The following PCDH8 variants were observed in gnomAD, a reference collection of about 807,000 sequenced individuals.
The protein encoded by PCDH8 is protocadherin-8.
In PCDH8, 36 loss-of-function variants were observed where a neutral mutation model predicts 58.2. The ratio of observed to expected loss-of-function variants is 0.62; its 90% CI spans 0.47 to 0.82. PCDH8 has a LOEUF of 0.82. Among genes scored for constraint, PCDH8 ranks in the 40% least tolerant of loss-of-function variants. The probability of loss-of-function intolerance (pLI) is 0.00; values close to 1 mark genes in which losing one functional copy is unlikely to be tolerated. For synonymous variants in PCDH8, 775 were observed against 728.9 expected, an observed-to-expected ratio of 1.06 and a Z score of -1.02; for missense variants, 1,493 against 1,567.8, an observed-to-expected ratio of 0.95 and a Z score of 0.81.
At position 52,846,605 on chromosome 13, in the gene PCDH8, T is replaced by A. The variant is rs1193234022; in HGVS notation, c.1832A>T (p.His611Leu). Residue 611 changes from histidine (H) to leucine (L), a missense_variant, in exon 1 of 3, where the codon CAC becomes CTC. Coordinates refer to ENST00000377942, the MANE Select transcript of PCDH8 (RefSeq NM_002590.4). ...DQNDHAPVLV[H>L]PAPANGSLEV... ...TAGGGAGCCATTGGCTGGCGCCGGG[T>A]GCACCAGGACTGGCGCATGGTCGTT... 6.2e-7 allele frequency: 1 copy of A among 1,601,580 alleles called. No individual in the cohort carries two copies. The highest frequency in any genetic ancestry group is 8.5e-7 in the Non-Finnish European group (1 of 1,177,614).
In PCDH8 at chr13:52,846,510, C is replaced by G. The variant is rs2138354894; in HGVS notation, c.1927G>C (p.Glu643Gln). ...VARVQARDAD[E>Q]GANGELAFEL... is the part of the protein sequence containing the mutation. ...AACGCCAGCTCCCCGTTGGCTCCCTCGTCTGCATCCCGGGCCTGCACACGG... is the reference window on the plus strand; with the variant it reads ...AACGCCAGCTCCCCGTTGGCTCCCTGGTCTGCATCCCGGGCCTGCACACGG... Residue 643 changes from glutamate to glutamine, a missense_variant, in exon 1 of 3, where the codon GAG (glutamate) becomes CAG (glutamine). Around this residue, in one of 3 missense-constraint regions of PCDH8, gnomAD observed 1,307 missense variants for 1,362.7 expected, o/e 0.96. Coordinates refer to ENST00000377942, the MANE Select transcript of PCDH8 (RefSeq NM_002590.4). The G allele has an allele frequency of 6.3e-7, 1 of 1,597,300 alleles. No homozygotes were observed. Among genetic ancestry groups the G allele is most frequent in the African/African-American group, 1.3e-5 (1 of 74,980 alleles).
At position 52,844,752 on chromosome 13, in the gene PCDH8, C is replaced by G; in HGVS notation, c.3021G>C (p.Gln1007His). 6.2e-7 allele frequency: 1 copy of G among 1,613,222 alleles called. No individual in the cohort carries two copies. Among genetic ancestry groups the G allele is most frequent in the Non-Finnish European group, 8.5e-7 (1 of 1,179,528 alleles). Residue 1007 changes from glutamine (Q) to histidine (H), a missense_variant, in exon 3 of 3, where the codon CAG (glutamine) becomes CAC (histidine). Gln to His is a conservative substitution (Grantham distance 24). Around this residue, in one of 3 missense-constraint regions of PCDH8, gnomAD observed 182 missense variants for 178.9 expected, o/e 1.02. Coordinates refer to ENST00000377942, the MANE Select transcript of PCDH8 (RefSeq NM_002590.4). The stretch of plus-strand genomic sequence containing the variant: ...TCTGCAGCCCCACTGTCTTGGGCAG[C>G]TGGGCCTGGTAGTAATTGTCCCTGC... Reference protein sequence around the residue: ...PLRRDNYYQAQLPKTVGLQSV... With the variant: ...PLRRDNYYQAHLPKTVGLQSV...
Position 52,846,600 on chromosome 13 carries a change from C to T in PCDH8, c.1837G>A (p.Ala613Thr). 6.2e-7 allele frequency: 1 copy of T among 1,605,862 alleles called. No homozygotes were observed. ...ACTTCTAGGGAGCCATTGGCTGGCG[C>T]CGGGTGCACCAGGACTGGCGCATGG... is the stretch of plus-strand genomic sequence containing the variant. ...NDHAPVLVHP[A>T]PANGSLEVAV... The change falls in exon 1 of 3, where the codon GCG becomes ACG. Residue 613 changes from alanine (A) to threonine (T), a missense_variant. By Grantham distance (58) the Ala-to-Thr change is moderately conservative (BLOSUM62 0). This residue lies in a region of PCDH8 where 1,307 missense variants were observed against 1,362.7 expected (regional missense o/e 0.96). Transcript: ENST00000377942.
At position 52,846,476 on chromosome 13, in the gene PCDH8, T is replaced by C; in HGVS notation, c.1961A>G (p.Gln654Arg). The C allele has an allele frequency of 1.3e-6, 2 of 1,598,460 alleles. No homozygotes were observed. Among genetic ancestry groups the C allele is most frequent in the Non-Finnish European group, 1.7e-6 (2 of 1,179,294 alleles). The change falls in exon 1 of 3, where the codon CAG becomes CGG. Residue 654 changes from glutamine to arginine, a missense_variant. Around this residue, in one of 3 missense-constraint regions of PCDH8, gnomAD observed 1,307 missense variants for 1,362.7 expected, o/e 0.96. Transcript: ENST00000377942. ...GAAGGCTTCGCGCGGCTCCTGCTGC[T>C]GCAGCTCGAACGCCAGCTCCCCGTT... Reference protein sequence around the residue: ...GANGELAFELQQQEPREAFAI... With the variant: ...GANGELAFELRQQEPREAFAI...
rs755167120 is a variant in PCDH8, at chr13:52,846,725, G to C, written c.1712C>G (p.Thr571Arg). The change falls in exon 1 of 3, where the codon ACG (threonine) becomes AGG (arginine). Residue 571 changes from threonine (T) to arginine (R), a missense_variant. Physicochemically the swap from Thr to Arg is moderately conservative, Grantham distance 71. Around this residue, in one of 3 missense-constraint regions of PCDH8, gnomAD observed 1,307 missense variants for 1,362.7 expected, o/e 0.96. Transcript: ENST00000377942. The stretch of plus-strand genomic sequence containing the variant: ...GATGCGAACGTCGAGTTGGCGCAGC[G>C]TCTCATAGTCGAAGCTGCGCAGCGC... ...IYALRSFDYE[T>R]LRQLDVRIQA... 4.4e-6 allele frequency: 7 copies of C among 1,593,794 alleles called. No homozygotes were observed. Among genetic ancestry groups the C allele is most frequent in the Non-Finnish European group, 6.0e-6 (7 of 1,175,600 alleles).
Position 52,847,836 on chromosome 13 carries a change from G to T in PCDH8, c.601C>A (p.Gln201Lys), listed in dbSNP as rs980957184. ...GAQCADLVLLQELDRESQAAY... is the reference protein window; with the variant it reads ...GAQCADLVLLKELDRESQAAY... ...GCCTGGCTCTCGCGGTCCAGCTCCT[G>T]CAGCAGCACCAGGTCTGCGCACTGA... Residue 201 changes from glutamine (Q) to lysine (K), a missense_variant, in exon 1 of 3, where the codon CAG becomes AAG. Transcript: ENST00000377942. The T allele has an allele frequency of 2.7e-6, 4 of 1,498,650 alleles. No individual in the cohort carries two copies. The African/African-American group carries it at 5.6e-5, about 21-fold the overall frequency. 92.8% of individuals were successfully genotyped at this position (1,498,650 alleles called of 1,614,324 possible). A position where few individuals can be genotyped will look rare whatever the true frequency, so the allele number is the denominator to read the frequency against.
At position 52,846,803 on chromosome 13, in the gene PCDH8, C is replaced by T; in HGVS notation, c.1634G>A (p.Gly545Glu). Reference sequence around the variant, plus strand: ...CGAGACATAAGTGGACACGGCGCCCCCGGCGCGGCCCACCTCGGCCTCCAG... The same window carrying T: ...CGAGACATAAGTGGACACGGCGCCCTCGGCGCGGCCCACCTCGGCCTCCAG... ...RLLEAEVGRAGGAVSTYVSVD... is the reference protein window; with the variant it reads ...RLLEAEVGRAEGAVSTYVSVD... The change falls in exon 1 of 3, where the codon GGG (glycine) becomes GAG (glutamate). Residue 545 changes from glycine (G) to glutamate (E), a missense_variant. This residue lies in a region of PCDH8 where 1,307 missense variants were observed against 1,362.7 expected (regional missense o/e 0.96). Coordinates refer to ENST00000377942, the MANE Select transcript of PCDH8 (RefSeq NM_002590.4). The T allele has an allele frequency of 6.4e-7, 1 of 1,553,122 alleles. No individual in the cohort carries two copies. Among genetic ancestry groups the T allele is most frequent in the South Asian group, 1.2e-5 (1 of 85,754 alleles).
In PCDH8 at chr13:52,847,730, A is replaced by C; in HGVS notation, c.707T>G (p.Leu236Arg). Residue 236 changes from leucine to arginine, a missense_variant, in exon 1 of 3, where the codon CTG (leucine) becomes CGG (arginine). Transcript: ENST00000377942. Reference protein sequence around the residue: ...SATAALSVRVLDANDHSPAFP... With the variant: ...SATAALSVRVRDANDHSPAFP... Reference sequence around the variant, plus strand: ...GGCCGGGCTGTGGTCATTCGCATCCAGGACGCGCACGCTGAGGGCAGCCGT... The same window carrying C: ...GGCCGGGCTGTGGTCATTCGCATCCCGGACGCGCACGCTGAGGGCAGCCGT... 6.6e-7 allele frequency: 1 copy of C among 1,511,822 alleles called. No homozygotes were observed. Among genetic ancestry groups the C allele is most frequent in the Non-Finnish European group, 8.8e-7 (1 of 1,137,544 alleles). 93.7% of individuals were successfully genotyped at this position (1,511,822 alleles called of 1,614,324 possible).
At position 52,847,422 on chromosome 13, in the gene PCDH8, TG is replaced by T; in HGVS notation, c.1014del (p.Cys338Ter). 1 of 1,585,172 alleles carries T rather than the reference TG, an allele frequency of 6.3e-7. No homozygotes were observed. Among genetic ancestry groups the T allele is most frequent in the Middle Eastern group, 1.7e-4 (1 of 6,002 alleles). On this transcript the variant is annotated frameshift_variant, in exon 1 of 3. Coordinates refer to ENST00000377942, the MANE Select transcript of PCDH8 (RefSeq NM_002590.4). LOFTEE classifies it high-confidence loss of function. The part of the protein sequence containing the change: ...DRGPGPRAAT[C>X]KVIVRIRDVN... Reference sequence around the variant, plus strand: ...ACGTCTCGGATGCGCACGATGACCTTGCAGGTGGCAGCGCGGGGCCCGGGTC... The same window carrying T: ...ACGTCTCGGATGCGCACGATGACCTTCAGGTGGCAGCGCGGGGCCCGGGTC...
chr13:52,846,269 C>A lies in PCDH8; in HGVS notation c.2168G>T (p.Ser723Ile). 6.3e-7 allele frequency: 1 copy of A among 1,578,970 alleles called. No homozygotes were observed. Among genetic ancestry groups the A allele is most frequent in the Non-Finnish European group, 8.6e-7 (1 of 1,168,370 alleles). Residue 723 changes from serine (S) to isoleucine (I), a missense_variant, in exon 1 of 3, where the codon AGT (serine) becomes ATT (isoleucine). By Grantham distance (142) the Ser-to-Ile change is moderately radical. Transcript: ENST00000377942. Reference protein sequence around the residue: ...GGGRGPAAPASAGSPERSRPP... With the variant: ...GGGRGPAAPAIAGSPERSRPP... ...GCGGGAACGCTCCGGGCTTCCTGCA[C>A]TGGCAGGCGCAGCCGGCCCACGCCC...
At chr13:52,845,754 C>A (rs1217929815) in intron 1 of PCDH8, 52 bp downstream of exon 1, 2 of 1,505,344 alleles carry the variant, frequency 1.3e-6, no homozygotes, top group Non-Finnish European at 1.8e-6. Context: ...TCCCTTCCCC[C>A]AGCCTGTCCG....
chr13:52,847,890 C>A lies in PCDH8; in HGVS notation c.547G>T (p.Val183Leu). 1 of 1,558,402 alleles carries A rather than the reference C, an allele frequency of 6.4e-7. No homozygotes were observed. Among genetic ancestry groups the A allele is most frequent in the South Asian group, 1.2e-5 (1 of 84,850 alleles). The change falls in exon 1 of 3, where the codon GTG becomes TTG. Residue 183 changes from valine (V) to leucine (L), a missense_variant. Val to Leu is a conservative substitution (Grantham distance 32, BLOSUM62 1). Around this residue, in one of 3 missense-constraint regions of PCDH8, gnomAD observed 1,307 missense variants for 1,362.7 expected, o/e 0.96. Transcript: ENST00000377942. ...CCGTCCGCTCGCGTCTGCAGCTCCA[C>A]GCGAAAGGGGCTGTGCGGCTCGGCC... The part of the protein sequence containing the change: ...RLAEPHSPFR[V>L]ELQTRADGAQ...
At position 52,847,765 on chromosome 13, in the gene PCDH8, C is replaced by T; in HGVS notation, c.672G>A (p.Pro224=). 1.4e-6 allele frequency: 2 copies of T among 1,459,838 alleles called. No homozygotes were observed. The highest frequency in any genetic ancestry group is 1.5e-5 in the African/African-American group (1 of 68,196). The allele number at this position is 1,459,838 out of a possible 1,614,324, so 90.4% of individuals were successfully genotyped here. A position where few individuals can be genotyped will look rare whatever the true frequency, so the allele number is the denominator to read the frequency against. ...CGCTGAGGGCAGCCGTGGCGGAGCGCGGCGGGCGGCCGCCGTCCTGGGCCA... is the reference window on the plus strand; with the variant it reads ...CGCTGAGGGCAGCCGTGGCGGAGCGTGGCGGGCGGCCGCCGTCCTGGGCCA... ...ELVAQDGGRP[P]RSATAALSVR... The change falls in exon 1 of 3, where the codon CCG becomes CCA. Residue 224 remains proline, a synonymous_variant. Transcript: ENST00000377942.
rs142341255 is a variant in PCDH8 at position 52,846,715 on chromosome 13, T to C, written c.1722A>G (p.Gln574=). 6.3e-7 allele frequency: 1 copy of C among 1,596,082 alleles called. No individual in the cohort carries two copies. Among genetic ancestry groups the C allele is most frequent in the Non-Finnish European group, 8.5e-7 (1 of 1,176,258 alleles). The change falls in exon 1 of 3, where the codon CAA becomes CAG. Residue 574 remains glutamine, a synonymous_variant. Transcript: ENST00000377942. ...CGCTAGCTTGGATGCGAACGTCGAG[T>C]TGGCGCAGCGTCTCATAGTCGAAGC... is the stretch of plus-strand genomic sequence containing the variant. ...LRSFDYETLR[Q]LDVRIQASDG... is the part of the protein sequence containing the mutation.
Position 52,846,483 on chromosome 13 carries a change from C to T in PCDH8, c.1954G>A (p.Glu652Lys), listed in dbSNP as rs767003417. The change falls in exon 1 of 3, where the codon GAG (glutamate) becomes AAG (lysine). Residue 652 changes from glutamate (E) to lysine (K), a missense_variant. Glu to Lys is a moderately conservative substitution (Grantham distance 56, BLOSUM62 1). This residue lies in a region of PCDH8 where 1,307 missense variants were observed against 1,362.7 expected (regional missense o/e 0.96). Transcript: ENST00000377942. ...DEGANGELAF[E>K]LQQQEPREAF... ...TCGCGCGGCTCCTGCTGCTGCAGCT[C>T]GAACGCCAGCTCCCCGTTGGCTCCC... 24 of 1,598,002 alleles carry T rather than the reference C, an allele frequency of 1.5e-5. No homozygotes were observed. Among genetic ancestry groups the T allele is most frequent in the Middle Eastern group, 3.3e-4 (2 of 6,034 alleles).
chr13:52,845,908 C>A lies in PCDH8; in HGVS notation c.2529G>T (p.Ala843=). ...AGCCCGGCACTTCGGCCGCGGCGAC[C>A]GCAGGCGGAGGCGCGTCCGCCGCGG... ...GSPAADAPPP[A]VAAAEVPGSE... is the part of the protein sequence containing the mutation. Residue 843 remains alanine (A), a synonymous_variant, in exon 1 of 3, where the codon GCG becomes GCT. Transcript: ENST00000377942. 6.8e-7 allele frequency: 1 copy of A among 1,477,938 alleles called. No individual in the cohort carries two copies. Among genetic ancestry groups the A allele is most frequent in the South Asian group, 1.3e-5 (1 of 76,116 alleles). 91.6% of individuals were successfully genotyped at this position (1,477,938 alleles called of 1,614,324 possible).
chr13:52,846,938 G>C lies in PCDH8; in HGVS notation c.1499C>G (p.Pro500Arg), dbSNP rs56292728. Residue 500 changes from proline to arginine, a missense_variant, in exon 1 of 3, where the codon CCG becomes CGG. Pro to Arg is a moderately radical substitution (Grantham distance 103). Transcript: ENST00000377942. ...ENDNAPLFTR[P>R]VYEVSVRENN... ...CTCGCGCACCGACACCTCATAGACC[G>C]GCCGCGTGAAGAGCGGCGCGTTGTC... 6.3e-7 allele frequency: 1 copy of C among 1,595,786 alleles called. No homozygotes were observed. Among genetic ancestry groups the C allele is most frequent in the Non-Finnish European group, 8.5e-7 (1 of 1,174,072 alleles).
In PCDH8 at chr13:52,846,850, G is replaced by A; in HGVS notation, c.1587C>T (p.Asn529=). ...VAARDRDLGR[N]GQVTYRLLEA... is the part of the protein sequence containing the mutation. ...CCAGCAGCCGGTAGGTGACCTGGCC[G>A]TTGCGGCCCAGGTCCCGGTCGCGGG... The change falls in exon 1 of 3, where the codon AAC becomes AAT. Residue 529 remains asparagine, a synonymous_variant. Transcript: ENST00000377942. The A allele has an allele frequency of 4.5e-6, 7 of 1,548,284 alleles. No homozygotes were observed. The highest frequency in any genetic ancestry group is 6.1e-6 in the Non-Finnish European group (7 of 1,152,126).
intron 1 of PCDH8, 30 bp from the exon 2 acceptor site, chr13:52,845,662 G>T (rs1217337835): frequency 1.2e-6 from 2 of 1,609,964 alleles, no homozygotes; most frequent in Non-Finnish European, 1.7e-6. Flanking sequence ...AATGGGAGTG[G>T]GGGGAGGGTT....
Sources: allele counts gnomAD v4.1 joint callset, GRCh38; gene constraint gnomAD v4.1.1; regional missense constraint gnomAD v4.1.1; transcripts MANE v1.5; gene names NCBI Gene and HGNC (gene_info 2026-07-23, HGNC 2026-07-21).